ANKFN1: variants seen among roughly 807,000 people sequenced by gnomAD.
ANKFN1 encodes the protein ankyrin repeat and fibronectin type III domain containing 1, also known as ankyrin repeat and fibronectin type-III domain-containing protein 1.
A neutral mutation model predicts 108.7 loss-of-function variants in ANKFN1; 74 were observed. The ratio of observed to expected loss-of-function variants is 0.68; its 90% CI spans 0.56 to 0.83. ANKFN1 has a LOEUF of 0.83. Among genes scored for constraint, ANKFN1 ranks in the 40% least tolerant of loss-of-function variants. The pLI, the probability that ANKFN1 is intolerant of heterozygous loss-of-function variation, is 0.00. For synonymous variants in ANKFN1, 547 were observed against 516.2 expected (o/e 1.06, Z -0.81); for missense variants, 1,505 against 1,382.3 (o/e 1.09, Z -1.41).
chr17:56,163,793 A>G (rs568147442), intron 1 of ANKFN1, among the ~76,000 whole-genome samples: 5 of 152,352 alleles, frequency 3.3e-5, no homozygotes, highest in African/African-American at 1.2e-4. Flanking sequence ...ATATTAATCC[A>G]TCAGACTTAG....
At chr17:56,141,996 T>C (rs927079144) in intron 4 of ANKFN1, among the ~76,000 whole-genome samples, 12 of 142,520 alleles carry the variant, frequency 8.4e-5, no homozygotes, top group African/African-American at 2.7e-4. Flanking sequence ...AATGGTGCAA[T>C]CTTGGCCCAC....
At chr17:56,171,327 G>A (rs1191979357) in intron 1 of ANKFN1, among the ~76,000 whole-genome samples, 2 of 152,080 alleles carry the variant, frequency 1.3e-5, no homozygotes, top group South Asian at 2.1e-4. Context: ...ATGTACAGAC[G>A]GGAATCCTGT....
At chr17:56,384,396 G>A (rs1404438324) in intron 8 of ANKFN1, among the ~76,000 whole-genome samples, 3 of 152,144 alleles carry the variant, frequency 2.0e-5, no homozygotes, top group Admixed American at 1.3e-4. Context: ...AAAACTGGAA[G>A]CATTCCCTTT....
At chr17:56,281,801 A>G (rs1408618471) in intron 3 of ANKFN1, among the ~76,000 whole-genome samples, 1 of 152,168 alleles carries the variant, frequency 6.6e-6, no homozygotes, top group Non-Finnish European at 1.5e-5. Flanking sequence ...AATACCCCTC[A>G]CACTATTTTA....
At chr17:56,211,285 T>G (rs1321993759) in intron 1 of ANKFN1, among the ~76,000 whole-genome samples, 3 of 152,218 alleles carry the variant, frequency 2.0e-5, no homozygotes, top group Non-Finnish European at 4.4e-5. Flanking sequence ...TTGTATAGGG[T>G]GAGAGATGAG....
At chr17:56,170,211 T>C (rs916147464) in intron 1 of ANKFN1, among the ~76,000 whole-genome samples, 2 of 152,170 alleles carry the variant, frequency 1.3e-5, no homozygotes, top group Admixed American at 1.3e-4. Flanking sequence ...TAAGTCAACA[T>C]TTATTGAGCT....
intron 3 of ANKFN1, among the ~76,000 whole-genome samples, chr17:56,320,666 G>A (rs1043148910): frequency 4.6e-5 from 7 of 152,112 alleles, no homozygotes; most frequent in Non-Finnish European, 8.8e-5. Context: ...AGGCTTTTCA[G>A]AAGCATGGAC....
intron 2 of ANKFN1, among the ~76,000 whole-genome samples, chr17:56,226,606 A>G (rs1916292280): frequency 6.6e-6 from 1 of 152,134 alleles, no homozygotes; most frequent in Admixed American, 6.6e-5. Context: ...ATCTTACCCA[A>G]GCAAAACCTC....
chr17:56,284,043 A>T (rs763759000), intron 3 of ANKFN1, among the ~76,000 whole-genome samples: 1 of 152,366 alleles, frequency 6.6e-6, no homozygotes, highest in South Asian at 2.1e-4. Context: ...TCAGAGACAC[A>T]TCTGACTGAT....
rs71363830 is a variant in ANKFN1, at chr17:56,516,257, A to AGTT, written c.*4990_*4991insTGT. On this transcript the variant is annotated 3_prime_UTR_variant, in exon 21 of 21. Coordinates refer to ENST00000682825, the MANE Select transcript of ANKFN1 (RefSeq NM_001370326.1). ...GTTTGATGTTTGTGATTTTTAAAAA[A>AGTT]GTGTGTGTGTGTGTGTGTGTGTGTG... Among the ~76,000 whole-genome samples, 12 of 148,362 alleles carry AGTT rather than the reference A, an allele frequency of 8.1e-5. No individual in the cohort carries two copies. The highest frequency in any genetic ancestry group is 3.0e-4 in the African/African-American group (12 of 40,434).
intron 8 of ANKFN1, among the ~76,000 whole-genome samples, chr17:56,425,316 A>G (rs1278543706): frequency 2.0e-5 from 3 of 152,166 alleles, no homozygotes; most frequent in Non-Finnish European, 4.4e-5. Context: ...GGTGGAGATA[A>G]TGTCCACAAT....
chr17:56,117,164 A>G (rs1272985913), intron 4 of ANKFN1, among the ~76,000 whole-genome samples: 1 of 152,150 alleles, frequency 6.6e-6, no homozygotes, highest in Non-Finnish European at 1.5e-5. Context: ...ATCCATAAGG[A>G]TTGGACCACT....
intron 8 of ANKFN1, among the ~76,000 whole-genome samples, chr17:56,424,151 GA>G (rs1231491117): frequency 6.6e-6 from 1 of 152,150 alleles, no homozygotes. Context: ...ACTAAGGGGT[GA>G]CACCCTTAAA....
At chr17:56,215,071 T>C (rs544510246) in intron 2 of ANKFN1, among the ~76,000 whole-genome samples, 6 of 152,218 alleles carry the variant, frequency 3.9e-5, no homozygotes, top group Non-Finnish European at 7.3e-5. Flanking sequence ...ATGATGCTTA[T>C]GTTCACTTAT....
chr17:56,117,496 A>T (rs1016937898), intron 4 of ANKFN1, among the ~76,000 whole-genome samples: 1 of 152,188 alleles, frequency 6.6e-6, no homozygotes, highest in Non-Finnish European at 1.5e-5. Context: ...GGGCATTTGC[A>T]AAATCTAATT....
intron 6 of ANKFN1, among the ~76,000 whole-genome samples, chr17:56,369,701 G>T (rs2046758755): frequency 6.6e-6 from 1 of 151,924 alleles, no homozygotes; most frequent in South Asian, 2.1e-4. Flanking sequence ...TGGTTTAGTA[G>T]ACAAAAAAAA....
At chr17:56,099,532 G>C (rs1309300419) in intron 4 of ANKFN1, among the ~76,000 whole-genome samples, 1 of 151,614 alleles carries the variant, frequency 6.6e-6, no homozygotes, top group African/African-American at 2.4e-5. Context: ...CTAGATTTCT[G>C]CCACCAGATG....
chr17:56,069,004 G>T (rs1905092225), intron 4 of ANKFN1, among the ~76,000 whole-genome samples: 1 of 152,150 alleles, frequency 6.6e-6, no homozygotes, highest in African/African-American at 2.4e-5. Context: ...CTCAGCTAGG[G>T]AGTTAAAATG....
intron 1 of ANKFN1, among the ~76,000 whole-genome samples, chr17:56,200,828 C>A (rs555954096): frequency 6.6e-6 from 1 of 152,316 alleles, no homozygotes; most frequent in African/African-American, 2.4e-5. Flanking sequence ...CAGAGGCAAT[C>A]TATTAGTCTG....
Sources: gnomAD v4.1 joint callset for allele counts (sites outside exome capture counted in the v4.1 genomes callset) on GRCh38, gnomAD v4.1.1 for gene constraint, MANE v1.5 for transcripts, NCBI Gene and HGNC (gene_info 2026-07-23, HGNC 2026-07-21) for gene names.